HIPK3: variants seen among roughly 807,000 people sequenced by gnomAD.
The protein encoded by HIPK3 is homeodomain-interacting protein kinase 3.
In HIPK3, 47 loss-of-function variants were observed where a neutral mutation model predicts 124.2. The observed-to-expected ratio is 0.38, with a 90% CI of 0.30 to 0.48. The LOEUF (loss-of-function observed/expected upper bound fraction) is 0.48, where lower values mean the gene tolerates loss of function less well. Among genes scored for constraint, HIPK3 ranks in the 20% least tolerant of loss-of-function variants. HIPK3 has a pLI of 0.98. For synonymous variants in HIPK3, 482 were observed against 515.2 expected, an observed-to-expected ratio of 0.94 and a Z score of 0.87; for missense variants, 1,286 against 1,454.3, an observed-to-expected ratio of 0.88 and a Z score of 1.88.
At chr11:33,329,023 C>G (rs554482345) in intron 3 of HIPK3, among the ~76,000 whole-genome samples, 1 of 152,216 alleles carries the variant, frequency 6.6e-6, no homozygotes, top group African/African-American at 2.4e-5. Context: ...AAACCAACTG[C>G]CATTATTGGT....
At chr11:33,257,998 C>T (rs1467931082) in intron 1 of HIPK3, 109 bp downstream of exon 1, 1 of 893,194 alleles carries the variant, frequency 1.1e-6, no homozygotes, top group South Asian at 5.1e-5. Flanking sequence ...TGGCCCGACA[C>T]CTCCGGCGCA....
intron 1 of HIPK3, among the ~76,000 whole-genome samples, chr11:33,261,508 C>T (rs1173727044): frequency 4.6e-5 from 7 of 152,086 alleles, no homozygotes; most frequent in Admixed American, 1.3e-4. Context: ...GGATGATGGC[C>T]TCCAGCCCCA....
chr11:33,351,775 G>T lies in HIPK3; in HGVS notation c.2975G>T (p.Cys992Phe), dbSNP rs1202639349. 6.2e-7 allele frequency: 1 copy of T among 1,614,186 alleles called. No individual in the cohort carries two copies. The highest frequency in any genetic ancestry group is 2.2e-5 in the East Asian group (1 of 44,884). The change falls in exon 15 of 17, where the codon TGT becomes TTT. Residue 992 changes from cysteine (C) to phenylalanine (F), a missense_variant. By Grantham distance (205) the Cys-to-Phe change is radical. This residue lies in a region of HIPK3 where 810 missense variants were observed against 864.9 expected (regional missense o/e 0.94). Coordinates refer to ENST00000303296, the MANE Select transcript of HIPK3 (RefSeq NM_005734.5). ...GACACAGAAACCAAGCCAGCTGTCT[G>T]TTCTGTTGTGGTGCCACCAGTGGAA... ...SADTETKPAV[C>F]SVVVPPVELE...
chr11:33,279,848 C>T (rs112867645), intron 1 of HIPK3, among the ~76,000 whole-genome samples: 24 of 152,152 alleles, frequency 1.6e-4, no homozygotes, highest in African/African-American at 5.8e-4. Context: ...CGCCCTTTTG[C>T]TGTATCCTTA....
intron 14 of HIPK3, among the ~76,000 whole-genome samples, 194 bp downstream of exon 14, chr11:33,349,481 C>T (rs1437711441): frequency 2.0e-5 from 3 of 152,188 alleles, no homozygotes; most frequent in Non-Finnish European, 2.9e-5. Flanking sequence ...CAGGGTCTTG[C>T]TTTGTTGCCC....
At chr11:33,286,280 T>C (rs1200463923) in intron 1 of HIPK3, 133 bp from the exon 2 acceptor site, 4 of 786,908 alleles carry the variant, frequency 5.1e-6, no homozygotes, top group Admixed American at 3.5e-5. Flanking sequence ...TGGAAATTAA[T>C]TACTTTTTTA....
chr11:33,348,893 C>A, intron 13 of HIPK3, 75 bp downstream of exon 13: 1 of 1,373,854 alleles, frequency 7.3e-7, no homozygotes, highest in Non-Finnish European at 9.9e-7. Flanking sequence ...CTTTCTGTGA[C>A]TTATTTCTTG....
chr11:33,353,821 G>A lies in HIPK3; in HGVS notation c.*253G>A. 3 of 422,016 alleles carry A rather than the reference G, an allele frequency of 7.1e-6. No homozygotes were observed. The highest frequency in any genetic ancestry group is 9.8e-5 in the East Asian group (2 of 20,468). 26.1% of individuals were successfully genotyped at this position (422,016 alleles called of 1,614,324 possible). On this transcript the variant is annotated 3_prime_UTR_variant, in exon 17 of 17. Coordinates refer to ENST00000303296, the MANE Select transcript of HIPK3 (RefSeq NM_005734.5). ...CTTATGGGAGCAGAAGTCCAGTTTTGCTCCTGCTATTTTTTATAAATTGCC... is the reference window on the plus strand; with the variant it reads ...CTTATGGGAGCAGAAGTCCAGTTTTACTCCTGCTATTTTTTATAAATTGCC...
Position 33,280,749 on chromosome 11 carries a change from TA to T in HIPK3, c.-2-5659del, listed in dbSNP as rs760086109. Reference sequence around the variant, plus strand: ...CAGGATCCAGAAATTGCAGCAGTTTTAAAAATTTCTCTATGTCAGTTATCAG... The same window carrying T: ...CAGGATCCAGAAATTGCAGCAGTTTTAAAATTTCTCTATGTCAGTTATCAG... On this transcript the variant is annotated intron_variant, in intron 1 of 16. Coordinates refer to ENST00000303296, the MANE Select transcript of HIPK3 (RefSeq NM_005734.5). 1.4e-3 allele frequency among the ~76,000 whole-genome samples: 210 copies of T among 152,310 alleles called. 3 individuals carry two copies. Among genetic ancestry groups the T allele is most frequent in the Middle Eastern group, 3.4e-3 (1 of 294 alleles).
intron 1 of HIPK3, among the ~76,000 whole-genome samples, chr11:33,282,959 T>C (rs1392022186): frequency 1.3e-5 from 2 of 152,138 alleles, no homozygotes; most frequent in Non-Finnish European, 2.9e-5. Flanking sequence ...AAAAGTGCCT[T>C]AATGGATGAG....
At chr11:33,305,444 T>C (rs1852129101) in intron 2 of HIPK3, among the ~76,000 whole-genome samples, 1 of 152,238 alleles carries the variant, frequency 6.6e-6, no homozygotes, top group Non-Finnish European at 1.5e-5. Context: ...AATAATGATA[T>C]TTACTGACTG....
intron 2 of HIPK3, among the ~76,000 whole-genome samples, chr11:33,326,572 C>A (rs1384945716): frequency 6.6e-6 from 1 of 152,062 alleles, no homozygotes; most frequent in African/African-American, 2.4e-5. Context: ...ACAAGATGTG[C>A]CTGGAATATC....
rs200533016 is a variant in HIPK3, at chr11:33,297,029, GCTA to G, written c.1097+9521_1097+9523del. 5.3e-3 allele frequency among the ~76,000 whole-genome samples: 801 copies of G among 152,118 alleles called. 7 individuals are homozygous for G. Among genetic ancestry groups the G allele is most frequent in the African/African-American group, 0.018 (764 of 41,488 alleles). ...AAAAGTTCTGAAGGAAATTAAAAGTGCTACTCCAGTGAGTAGTAAATGGTAAAA... is the reference window on the plus strand; with the variant it reads ...AAAAGTTCTGAAGGAAATTAAAAGTGCTCCAGTGAGTAGTAAATGGTAAAA... On this transcript the variant is annotated intron_variant, in intron 2 of 16. Transcript: ENST00000303296.
intron 8 of HIPK3, among the ~76,000 whole-genome samples, chr11:33,346,512 G>C (rs564540024): frequency 6.6e-6 from 1 of 152,140 alleles, no homozygotes; most frequent in South Asian, 2.1e-4. Context: ...ATGTATTTCT[G>C]TTTTGGTGAC....
At chr11:33,256,745 A>G, upstream of HIPK3, 1 of 981,364 alleles carries the variant, frequency 1.0e-6, no homozygotes, top group Non-Finnish European at 1.2e-6. Context: ...AGAATTACCA[A>G]TGTGGAGGTG....
At chr11:33,304,733 A>C (rs1327734819) in intron 2 of HIPK3, among the ~76,000 whole-genome samples, 1 of 152,176 alleles carries the variant, frequency 6.6e-6, no homozygotes, top group Non-Finnish European at 1.5e-5. Context: ...TTTTTTGATT[A>C]TGTCAGAGAG....
At chr11:33,297,709 A>G (rs1170102808) in intron 2 of HIPK3, among the ~76,000 whole-genome samples, 1 of 150,360 alleles carries the variant, frequency 6.7e-6, no homozygotes, top group Non-Finnish European at 1.5e-5. Flanking sequence ...ATATTGTAAG[A>G]TGATACCATC....
At chr11:33,327,114 A>G (rs1280402889) in intron 2 of HIPK3, among the ~76,000 whole-genome samples, 1 of 152,244 alleles carries the variant, frequency 6.6e-6, no homozygotes, top group East Asian at 1.9e-4. Flanking sequence ...GAAATGGATT[A>G]TTTATATAGT....
intron 1 of HIPK3, among the ~76,000 whole-genome samples, chr11:33,274,142 T>G (rs982592260): frequency 6.6e-6 from 1 of 152,208 alleles, no homozygotes; most frequent in African/African-American, 2.4e-5. Flanking sequence ...AAAAATCTTA[T>G]TTGTTGGCAG....
Sources: gnomAD v4.1 joint callset for allele counts (sites outside exome capture counted in the v4.1 genomes callset) on GRCh38, gnomAD v4.1.1 for gene constraint, gnomAD v4.1.1 regional missense constraint, MANE v1.5 for transcripts, NCBI Gene and HGNC (gene_info 2026-07-23, HGNC 2026-07-21) for gene names.